SPATS2: variants seen among roughly 807,000 people sequenced by gnomAD.
SPATS2 encodes spermatogenesis-associated serine-rich protein 2.
In SPATS2, 38 loss-of-function variants were observed where a neutral mutation model predicts 63.7. That is an observed-to-expected ratio of 0.60 (90% CI 0.46 to 0.78). The LOEUF (loss-of-function observed/expected upper bound fraction) is 0.78, where lower values mean the gene tolerates loss of function less well. Among genes scored for constraint, SPATS2 ranks in the 30% least tolerant of loss-of-function variants. The pLI is 0.00. For synonymous variants in SPATS2, 207 were observed against 232.9 expected (o/e 0.89, Z 1.01); for missense variants, 588 against 666.2 (o/e 0.88, Z 1.29).
intron 9 of SPATS2, among the ~76,000 whole-genome samples, chr12:49,511,247 G>T (rs1946749214): frequency 6.6e-6 from 1 of 151,934 alleles, no homozygotes; most frequent in Non-Finnish European, 1.5e-5. Context: ...TGTGAACATG[G>T]TAAGGAAGTC....
chr12:49,479,592 A>G (rs1331300659), intron 3 of SPATS2, among the ~76,000 whole-genome samples: 1 of 152,180 alleles, frequency 6.6e-6, no homozygotes, highest in Non-Finnish European at 1.5e-5. Context: ...CAGTTTTGGC[A>G]GTGGCACCTG....
chr12:49,517,067 G>A (rs1419035400), intron 10 of SPATS2, among the ~76,000 whole-genome samples: 1 of 152,182 alleles, frequency 6.6e-6, no homozygotes, highest in Non-Finnish European at 1.5e-5. Flanking sequence ...TGAGTTATCT[G>A]TTACGTGTAG....
chr12:49,488,285 C>T lies in SPATS2; in HGVS notation c.106-1180C>T, dbSNP rs149159109. ...GTCTCGAACTCCTGACCTCGTGATC[C>T]GCCTGCCTCAGCCTCCTAAAGTGCT... On this transcript the variant is annotated intron_variant, in intron 4 of 13. Transcript: ENST00000552918. Among the ~76,000 whole-genome samples, 111 of 151,998 alleles carry T rather than the reference C, an allele frequency of 7.3e-4. 1 individual carries two copies. The East Asian group carries it at 0.019, about 26-fold the overall frequency.
chr12:49,367,759 C>T (rs1421057102), intron 1 of SPATS2, among the ~76,000 whole-genome samples, 172 bp downstream of exon 1: 1 of 146,990 alleles, frequency 6.8e-6, no homozygotes, highest in Admixed American at 6.8e-5. Flanking sequence ...TGGAAGGTTC[C>T]TGGGGTCTGT....
rs367735131 is a variant in SPATS2 at position 49,499,391 on chromosome 12, G to GTTGTTTTGTTTTGTT, written c.704-641_704-627dup. Among the ~76,000 whole-genome samples the GTTGTTTTGTTTTGTT allele has an allele frequency of 8.9e-4, 131 of 146,544 alleles. No homozygotes were observed. In the South Asian group the frequency reaches 9.6e-3, roughly 11 times the overall value. ...TGAGCTCTGGGGATTGTTCTGCCTG[G>GTTGTTTTGTTTTGTT]TTGTTTTGTTTTGTTTTGTTTTGTT... is the stretch of plus-strand genomic sequence containing the variant. On this transcript the variant is annotated intron_variant, in intron 8 of 13. Transcript: ENST00000552918.
intron 2 of SPATS2, among the ~76,000 whole-genome samples, chr12:49,427,363 T>G (rs1324797743): frequency 6.6e-6 from 1 of 152,270 alleles, no homozygotes; most frequent in Non-Finnish European, 1.5e-5. Flanking sequence ...TCCATATCAT[T>G]GCATATAGTT....
intron 2 of SPATS2, among the ~76,000 whole-genome samples, chr12:49,424,568 A>G (rs1945039528): frequency 6.6e-6 from 1 of 152,222 alleles, no homozygotes. Flanking sequence ...TTCTGTGATT[A>G]TAGTTCTCTT....
In SPATS2 at chr12:49,494,989, G is replaced by C; in HGVS notation, c.513G>C (p.Thr171=). 6.2e-7 allele frequency: 1 copy of C among 1,610,326 alleles called. No individual in the cohort carries two copies. The highest frequency in any genetic ancestry group is 1.3e-5 in the African/African-American group (1 of 74,944). ...ATCCCGAGTCTGCCATGCTAGATAC[G>C]CTGGATAGAACAGGTGAGTTTATTA... ...LEDPESAMLD[T]LDRTGSMLQN... is the part of the protein sequence containing the mutation. Residue 171 remains threonine, a synonymous_variant, in exon 7 of 14, where the codon ACG becomes ACC. Coordinates refer to ENST00000552918, the MANE Select transcript of SPATS2 (RefSeq NM_023071.4).
rs138930734 is a variant in SPATS2, at chr12:49,497,388, T to C, written c.703+379T>C. On this transcript the variant is annotated intron_variant, in intron 8 of 13. Transcript: ENST00000552918. ...AGTAAAAGCTCTACCTTCTCTGACA[T>C]TGACTTTTTTTTTTTTTTTCCCCCG... is the stretch of plus-strand genomic sequence containing the variant. Among the ~76,000 whole-genome samples the C allele has an allele frequency of 8.0e-4, 122 of 151,984 alleles. 1 individual carries two copies. The highest frequency in any genetic ancestry group is 2.7e-3 in the African/African-American group (111 of 41,408).
intron 3 of SPATS2, among the ~76,000 whole-genome samples, chr12:49,473,430 C>T (rs1385797199): frequency 6.6e-6 from 1 of 150,988 alleles, no homozygotes; most frequent in Non-Finnish European, 1.5e-5. Flanking sequence ...CACATACACA[C>T]AAAAAAAAAT....
At chr12:49,432,823 T>C (rs770419036) in intron 2 of SPATS2, among the ~76,000 whole-genome samples, 12 of 152,346 alleles carry the variant, frequency 7.9e-5, no homozygotes, top group Non-Finnish European at 1.5e-4. Context: ...ATTCATCCTT[T>C]GATAGACACC....
chr12:49,524,158 C>T (rs1469581525), intron 12 of SPATS2, among the ~76,000 whole-genome samples: 1 of 152,082 alleles, frequency 6.6e-6, no homozygotes, highest in Non-Finnish European at 1.5e-5. Flanking sequence ...TGGCAATATA[C>T]ATGTTTGTTA....
chr12:49,502,588 C>G (rs1342422905), intron 9 of SPATS2, among the ~76,000 whole-genome samples: 2 of 152,096 alleles, frequency 1.3e-5, no homozygotes, highest in East Asian at 3.8e-4. Context: ...AGTCCCCTAG[C>G]TGGGACTACA....
chr12:49,444,760 C>T (rs1305011938), intron 2 of SPATS2, among the ~76,000 whole-genome samples: 9 of 151,864 alleles, frequency 5.9e-5, no homozygotes, highest in African/African-American at 1.7e-4. Context: ...CTCGCCACCA[C>T]GCCCAGCTAG....
intron 10 of SPATS2, among the ~76,000 whole-genome samples, chr12:49,516,155 AAAAAAAAAAAAAT>A (rs1329542763): frequency 0.015 from 701 of 45,830 alleles, 36 homozygotes; most frequent in South Asian, 0.034. Flanking sequence ...AAAAAAAAAA[AAAAAAAAAAAAAT>A]ATATATATAT....
intron 2 of SPATS2, among the ~76,000 whole-genome samples, chr12:49,419,183 T>A (rs1294408058): frequency 6.6e-6 from 1 of 152,234 alleles, no homozygotes; most frequent in Admixed American, 6.5e-5. Context: ...TGAAAACTTA[T>A]CTTTTAGAAT....
chr12:49,520,096 C>T (rs1345558560), intron 11 of SPATS2, among the ~76,000 whole-genome samples: 1 of 152,154 alleles, frequency 6.6e-6, no homozygotes, highest in African/African-American at 2.4e-5. Context: ...TCTCCTGCCT[C>T]AGCCTCCCAA....
At chr12:49,502,588 C>T (rs1342422905) in intron 9 of SPATS2, among the ~76,000 whole-genome samples, 1 of 152,096 alleles carries the variant, frequency 6.6e-6, no homozygotes, top group African/African-American at 2.4e-5. Context: ...AGTCCCCTAG[C>T]TGGGACTACA....
chr12:49,380,117 A>G (rs1207258129), intron 2 of SPATS2, among the ~76,000 whole-genome samples: 1 of 150,830 alleles, frequency 6.6e-6, no homozygotes, highest in African/African-American at 2.4e-5. Flanking sequence ...ACATAGCATA[A>G]TGTTGAGACT....
Sources: gnomAD v4.1 joint callset for allele counts (sites outside exome capture counted in the v4.1 genomes callset) on GRCh38, gnomAD v4.1.1 for gene constraint, MANE v1.5 for transcripts, NCBI Gene and HGNC (gene_info 2026-07-23, HGNC 2026-07-21) for gene names.